Variants in SNTG2 observed in about 807,000 individuals in gnomAD.
SNTG2 encodes the protein gamma-2-syntrophin.
Under a neutral mutation model 70.9 loss-of-function variants are expected in SNTG2, and 74 were observed. That is an observed-to-expected ratio of 1.04 (90% CI 0.86 to 1.27). The LOEUF is 1.27. Ranked by LOEUF, SNTG2 falls within the 50% of genes most tolerant of loss-of-function variation. The pLI is 0.00. For synonymous variants in SNTG2, 278 were observed against 273.8 expected, an observed-to-expected ratio of 1.02 and a Z score of -0.15; for missense variants, 717 against 690.7, an observed-to-expected ratio of 1.04 and a Z score of -0.43.
At chr2:1,114,926 G>T (rs988275149) in intron 4 of SNTG2, among the ~76,000 whole-genome samples, 1 of 152,046 alleles carries the variant, frequency 6.6e-6, no homozygotes, top group African/African-American at 2.4e-5. Context: ...AGGGTCTTGT[G>T]TACTACGTGA....
At chr2:1,222,304 T>C (rs1675296158) in intron 9 of SNTG2, among the ~76,000 whole-genome samples, 1 of 152,274 alleles carries the variant, frequency 6.6e-6, no homozygotes, top group South Asian at 2.1e-4. Flanking sequence ...GTCTCCGCTT[T>C]TGGACATTAA....
intron 1 of SNTG2, among the ~76,000 whole-genome samples, chr2:1,020,969 G>A (rs965911510): frequency 6.6e-6 from 1 of 152,100 alleles, no homozygotes. Context: ...GGTGATTTTT[G>A]TATTACATTT....
chr2:1,358,380 A>T (rs1355138375), intron 16 of SNTG2, among the ~76,000 whole-genome samples: 5 of 149,436 alleles, frequency 3.3e-5, no homozygotes, highest in East Asian at 3.9e-4. Context: ...TCCAATCTTT[A>T]TTTTTTTTTT....
chr2:1,350,492 C>T (rs1041061388), intron 16 of SNTG2, among the ~76,000 whole-genome samples: 1 of 152,176 alleles, frequency 6.6e-6, no homozygotes, highest in Non-Finnish European at 1.5e-5. Context: ...CTGTATGGTG[C>T]TTCTTGCAGG....
chr2:988,403 C>A (rs1273138091), intron 1 of SNTG2, among the ~76,000 whole-genome samples: 2 of 152,214 alleles, frequency 1.3e-5, no homozygotes, highest in African/African-American at 4.8e-5. Flanking sequence ...TTCCAGATGT[C>A]AAATAAGTAG....
At chr2:1,102,003 A>T (rs887297523) in intron 4 of SNTG2, among the ~76,000 whole-genome samples, 1 of 152,216 alleles carries the variant, frequency 6.6e-6, no homozygotes, top group Non-Finnish European at 1.5e-5. Context: ...GAGTTTATCC[A>T]ATCATATTTA....
chr2:1,152,062 T>C (rs1669534676), intron 6 of SNTG2, among the ~76,000 whole-genome samples: 1 of 152,200 alleles, frequency 6.6e-6, no homozygotes, highest in Non-Finnish European at 1.5e-5. Flanking sequence ...TTTTGTTTTG[T>C]TTTGTTTTAC....
At chr2:1,011,969 A>C (rs1659741074) in intron 1 of SNTG2, among the ~76,000 whole-genome samples, 1 of 152,240 alleles carries the variant, frequency 6.6e-6, no homozygotes, top group Non-Finnish European at 1.5e-5. Flanking sequence ...TGAGAAACCG[A>C]ATATAGACAA....
At position 1,348,455 on chromosome 2, in the gene SNTG2, A is replaced by C. The variant is rs189402740; in HGVS notation, c.1489-18888A>C. Among the ~76,000 whole-genome samples, 6 of 152,336 alleles carry C rather than the reference A, an allele frequency of 3.9e-5. No homozygotes were observed. In the East Asian group the frequency reaches 1.2e-3, roughly 29 times the overall value. ...TACCTTAAGGCTTCCTCTGCAAATA[A>C]GAACTGTGGTCTCCACAATCCTTTA... On this transcript the variant is annotated intron_variant, in intron 16 of 16. Coordinates refer to ENST00000308624, the MANE Select transcript of SNTG2 (RefSeq NM_018968.4).
At chr2:1,059,039 C>T (rs906236397) in intron 1 of SNTG2, 4 of 152,306 alleles carry the variant, frequency 2.6e-5, no homozygotes, top group African/African-American at 9.6e-5. Context: ...GGCAGCATTT[C>T]CTTCCTTGTC....
At chr2:1,160,161 A>C (rs1258354589) in intron 6 of SNTG2, 1 of 152,118 alleles carries the variant, frequency 6.6e-6, no homozygotes, top group African/African-American at 2.4e-5. Context: ...TTATTCCCAC[A>C]TACTCACACA....
intron 1 of SNTG2, among the ~76,000 whole-genome samples, chr2:1,064,454 T>C (rs1255319507): frequency 1.3e-5 from 2 of 150,852 alleles, no homozygotes; most frequent in African/African-American, 2.4e-5. Context: ...TACTGAAATA[T>C]AATTTTAAGT....
Position 1,098,398 on chromosome 2 carries a change from G to A in SNTG2, c.313G>A (p.Glu105Lys), listed in dbSNP as rs200932183. The part of the protein sequence containing the change: ...NVPVVISKIF[E>K]DQAADQTGML... The stretch of plus-strand genomic sequence containing the variant: ...CCCTGTCGTCATATCAAAAATATTC[G>A]AAGACCAAGCAGGTAAAAACAGCCA... Residue 105 changes from glutamate (E) to lysine (K), a missense_variant, in exon 4 of 17, where the codon GAA becomes AAA. Physicochemically the swap from Glu to Lys is moderately conservative, Grantham distance 56. Transcript: ENST00000308624. 4.2e-4 allele frequency: 674 copies of A among 1,613,962 alleles called. No homozygotes were observed. In the African/African-American group the frequency reaches 7.8e-3, roughly 19 times the overall value.
At chr2:1,309,753 C>T (rs1680889034) in intron 15 of SNTG2, among the ~76,000 whole-genome samples, 1 of 152,238 alleles carries the variant, frequency 6.6e-6, no homozygotes, top group African/African-American at 2.4e-5. Flanking sequence ...ATGACAATAG[C>T]ACATATTTGC....
intron 1 of SNTG2, among the ~76,000 whole-genome samples, chr2:975,774 T>C (rs1660890421): frequency 6.6e-6 from 1 of 152,236 alleles, no homozygotes; most frequent in Admixed American, 6.5e-5. Context: ...TAAATAAATG[T>C]GTTGATAACA....
chr2:1,066,712 C>T (rs575175570), intron 1 of SNTG2, among the ~76,000 whole-genome samples: 15 of 152,044 alleles, frequency 9.9e-5, no homozygotes, highest in Admixed American at 2.0e-4. Flanking sequence ...TGCTTCAAAA[C>T]GACGATTTTT....
intron 1 of SNTG2, among the ~76,000 whole-genome samples, chr2:991,895 G>A (rs1259003228): frequency 2.0e-5 from 3 of 152,166 alleles, no homozygotes; most frequent in African/African-American, 7.2e-5. Flanking sequence ...AATTAATTTT[G>A]TTCTGAAGCA....
intron 16 of SNTG2, among the ~76,000 whole-genome samples, chr2:1,359,116 A>G (rs1450778068): frequency 6.6e-6 from 1 of 152,118 alleles, no homozygotes; most frequent in Non-Finnish European, 1.5e-5. Context: ...TGGAGATGGG[A>G]CCCAAATCTA....
At position 1,266,492 on chromosome 2, in the gene SNTG2, C is replaced by T. The variant is rs567380578; in HGVS notation, c.1078-873C>T. Among the ~76,000 whole-genome samples, 4 of 152,294 alleles carry T rather than the reference C, an allele frequency of 2.6e-5. No individual in the cohort carries two copies. The East Asian group carries it at 7.7e-4, about 29-fold the overall frequency. On this transcript the variant is annotated intron_variant, in intron 13 of 16. Coordinates refer to ENST00000308624, the MANE Select transcript of SNTG2 (RefSeq NM_018968.4). ...AACCAGAAATGGAACAACATCATTA[C>T]ATCATTCCCTTTGTCAGGCCTTTGG...
Sources: gnomAD v4.1 joint callset for allele counts (sites outside exome capture counted in the v4.1 genomes callset) on GRCh38, gnomAD v4.1.1 for gene constraint, MANE v1.5 for transcripts, NCBI Gene and HGNC (gene_info 2026-07-23, HGNC 2026-07-21) for gene names.